The following RAB11FIP1 variants were observed in gnomAD, a reference collection of about 807,000 sequenced individuals.
RAB11FIP1 encodes the protein RAB11 family interacting protein 1.
RAB11FIP1 carries 49 observed loss-of-function variants against 83.1 expected under a neutral mutation model. That is an observed-to-expected ratio of 0.59 (90% CI 0.47 to 0.75). The LOEUF is 0.75. Ranked by LOEUF, RAB11FIP1 falls within the 30% of genes least tolerant of loss-of-function variation. The pLI, the probability that RAB11FIP1 is intolerant of heterozygous loss-of-function variation, is 0.00. For synonymous variants in RAB11FIP1, 670 were observed against 656.0 expected, an observed-to-expected ratio of 1.02 and a Z score of -0.33; for missense variants, 1,536 against 1,598.7, an observed-to-expected ratio of 0.96 and a Z score of 0.67.
chr8:37,888,389 G>A (rs559294406), intron 1 of RAB11FIP1, among the ~76,000 whole-genome samples: 3 of 152,120 alleles, frequency 2.0e-5, no homozygotes, highest in African/African-American at 4.8e-5. Context: ...TTACAGGCGT[G>A]AGACACCACA....
chr8:37,861,592 C>T lies in RAB11FIP1; in HGVS notation c.*1303G>A, dbSNP rs951026050. 3.0e-5 allele frequency: 13 copies of T among 440,036 alleles called. No individual in the cohort carries two copies. The highest frequency in any genetic ancestry group is 1.5e-4 in the African/African-American group (7 of 48,038). The allele number at this position is 440,036 out of a possible 1,614,324, so 27.3% of individuals were successfully genotyped here. On this transcript the variant is annotated 3_prime_UTR_variant, in exon 6 of 6. Coordinates refer to ENST00000330843, the MANE Select transcript of RAB11FIP1 (RefSeq NM_001002814.3). ...TAAGACAGAGTCTTAAAAAAATTGC[C>T]CAGGCTCTTTTTTTAAGAGTCTTAA...
At chr8:37,873,308 T>C (rs1436913074) in intron 3 of RAB11FIP1, 129 bp from the exon 4 acceptor site, 1 of 1,089,298 alleles carries the variant, frequency 9.2e-7, no homozygotes, top group Non-Finnish European at 1.3e-6. Flanking sequence ...CTTAAGAAGT[T>C]AAAAAAGGAA....
chr8:37,876,932 C>T (rs544219793), intron 2 of RAB11FIP1, among the ~76,000 whole-genome samples, 177 bp downstream of exon 2: 5 of 152,178 alleles, frequency 3.3e-5, no homozygotes, highest in East Asian at 1.9e-4. Context: ...TGAGCCACCA[C>T]GCCTAGCCTT....
At position 37,899,324 on chromosome 8, in the gene RAB11FIP1, C is replaced by A; in HGVS notation, c.118G>T (p.Asp40Tyr). 2.5e-6 allele frequency: 4 copies of A among 1,609,502 alleles called. No homozygotes were observed. The highest frequency in any genetic ancestry group is 2.5e-6 in the Non-Finnish European group (3 of 1,178,666). ...LRAKGPGGTS[D>Y]AYAVIQVGKE... ...CCCACCTGGATCACCGCGTACGCGT[C>A]GCTCGTGCCCCCGGGGCCCTTGGCC... is the stretch of plus-strand genomic sequence containing the variant. The change falls in exon 1 of 6, where the codon GAC becomes TAC. Residue 40 changes from aspartate to tyrosine, a missense_variant. Asp to Tyr is a radical substitution (Grantham distance 160, BLOSUM62 -3). Coordinates refer to ENST00000330843, the MANE Select transcript of RAB11FIP1 (RefSeq NM_001002814.3). The surrounding 1 kb of genome is among the most constrained non-coding windows in gnomAD (Gnocchi z 4.5).
chr8:37,885,282 A>G (rs1302764394), intron 1 of RAB11FIP1, among the ~76,000 whole-genome samples: 1 of 152,232 alleles, frequency 6.6e-6, no homozygotes, highest in Non-Finnish European at 1.5e-5. Context: ...GGTGTGAGCC[A>G]GAAGGCCCGG....
Position 37,874,844 on chromosome 8 carries a change from G to A in RAB11FIP1, c.1293C>T (p.Ser431=), listed in dbSNP as rs757251715. Residue 431 remains serine (S), a synonymous_variant, in exon 3 of 6, where the codon AGC becomes AGT. Coordinates refer to ENST00000330843, the MANE Select transcript of RAB11FIP1 (RefSeq NM_001002814.3). ...TCAGAGACAGCAAAGAGGACCTCCTGCTCTCTGGCTTCTTGCTCTCCTTAG... is the reference window on the plus strand; with the variant it reads ...TCAGAGACAGCAAAGAGGACCTCCTACTCTCTGGCTTCTTGCTCTCCTTAG... ...KEAKESKKPE[S]RRSSLLSLMT... 6.2e-7 allele frequency: 1 copy of A among 1,614,130 alleles called. No individual in the cohort carries two copies. The highest frequency in any genetic ancestry group is 8.5e-7 in the Non-Finnish European group (1 of 1,180,024).
chr8:37,879,646 G>A (rs938169033), intron 1 of RAB11FIP1, among the ~76,000 whole-genome samples: 1 of 152,170 alleles, frequency 6.6e-6, no homozygotes, highest in African/African-American at 2.4e-5. Flanking sequence ...ACTTTGGGAG[G>A]CCAAGGCGGG....
chr8:37,868,159 C>T (rs1400392438), intron 5 of RAB11FIP1, among the ~76,000 whole-genome samples: 3 of 152,084 alleles, frequency 2.0e-5, no homozygotes, highest in African/African-American at 4.8e-5. Context: ...CGGTGGCTCA[C>T]GCCTGTAATC....
At chr8:37,882,294 A>G (rs1390717113) in intron 1 of RAB11FIP1, among the ~76,000 whole-genome samples, 1 of 152,214 alleles carries the variant, frequency 6.6e-6, no homozygotes, top group African/African-American at 2.4e-5. Flanking sequence ...CCAGAAAGTT[A>G]GGTATTCCTA....
chr8:37,873,871 A>ATG (rs10678344), intron 3 of RAB11FIP1, among the ~76,000 whole-genome samples: 33,078 of 149,454 alleles, frequency 0.22, 4,881 homozygotes, highest in African/African-American at 0.43. Flanking sequence ...GTGTGTGTAT[A>ATG]TGTGTGTGTG....
intron 5 of RAB11FIP1, among the ~76,000 whole-genome samples, chr8:37,867,694 C>T (rs891627225): frequency 1.0e-4 from 14 of 137,666 alleles, no homozygotes; most frequent in Admixed American, 8.8e-4. Flanking sequence ...TCAACCAGAG[C>T]GAAAATCCAT....
rs868749900 is a variant in RAB11FIP1 at position 37,862,824 on chromosome 8, G to C, written c.*71C>G. ...GCCTGCTGGCTGGTTATCAGGCAAG[G>C]CAAGTCCTTGACCCCTGGAGCAGGT... On this transcript the variant is annotated 3_prime_UTR_variant, in exon 6 of 6. Coordinates refer to ENST00000330843, the MANE Select transcript of RAB11FIP1 (RefSeq NM_001002814.3). 12 of 1,246,928 alleles carry C rather than the reference G, an allele frequency of 9.6e-6. No individual in the cohort carries two copies. Among genetic ancestry groups the C allele is most frequent in the Non-Finnish European group, 1.1e-5 (10 of 873,942 alleles). The allele number at this position is 1,246,928 out of a possible 1,614,324, so 77.2% of individuals were successfully genotyped here.
At position 37,862,720 on chromosome 8, in the gene RAB11FIP1, T is replaced by C. The variant is rs1350878635; in HGVS notation, c.*175A>G. 11 of 591,420 alleles carry C rather than the reference T, an allele frequency of 1.9e-5. No homozygotes were observed. Among genetic ancestry groups the C allele is most frequent in the African/African-American group, 3.7e-5 (2 of 53,682 alleles). The allele number at this position is 591,420 out of a possible 1,614,324, so 36.6% of individuals were successfully genotyped here. A position where few individuals can be genotyped will look rare whatever the true frequency, so the allele number is the denominator to read the frequency against. On this transcript the variant is annotated 3_prime_UTR_variant, in exon 6 of 6. Transcript: ENST00000330843. ...GCCTTGGGAATGTACAGTAAAAGAT[T>C]AATTGTAATCATTAACCTGGCTTCC...
At chr8:37,892,425 ATATT>A (rs146042883) in intron 1 of RAB11FIP1, among the ~76,000 whole-genome samples, 42,171 of 143,916 alleles carry the variant, frequency 0.29, 6,520 homozygotes, top group East Asian at 0.43. Flanking sequence ...ACTTTTATTT[ATATT>A]TATTTATTTA....
intron 1 of RAB11FIP1, among the ~76,000 whole-genome samples, 176 bp downstream of exon 1, chr8:37,898,895 G>T (rs553499593): frequency 5.3e-5 from 8 of 151,906 alleles, no homozygotes; most frequent in African/African-American, 1.7e-4. Flanking sequence ...AGAGCTGGGC[G>T]GGACAGCCGC....
At chr8:37,897,805 A>G (rs920961396) in intron 1 of RAB11FIP1, among the ~76,000 whole-genome samples, 1 of 152,102 alleles carries the variant, frequency 6.6e-6, no homozygotes, top group African/African-American at 2.4e-5. Flanking sequence ...CTGTTGTAAC[A>G]TTCTTTCTGT....
At chr8:37,894,092 C>T (rs1585449822) in intron 1 of RAB11FIP1, among the ~76,000 whole-genome samples, 1 of 152,228 alleles carries the variant, frequency 6.6e-6, no homozygotes, top group African/African-American at 2.4e-5. Flanking sequence ...CTTCGAAAGA[C>T]CTGGGGAGGT....
At position 37,874,507 on chromosome 8, in the gene RAB11FIP1, A is replaced by C; in HGVS notation, c.1622+8T>G. 1 of 1,612,390 alleles carries C rather than the reference A, an allele frequency of 6.2e-7. No homozygotes were observed. The highest frequency in any genetic ancestry group is 1.1e-5 in the South Asian group (1 of 91,058). On this transcript the variant is annotated splice_region_variant and intron_variant, in intron 3 of 5. Transcript: ENST00000330843. Reference sequence around the variant, plus strand: ...GAAATGCCCTGCACGAGAAGAGCCAAAACTCACCGGGGCTTGACAGCTCTG... The same window carrying C: ...GAAATGCCCTGCACGAGAAGAGCCACAACTCACCGGGGCTTGACAGCTCTG...
At chr8:37,895,005 A>C (rs1807035256) in intron 1 of RAB11FIP1, among the ~76,000 whole-genome samples, 3 of 146,512 alleles carry the variant, frequency 2.0e-5, no homozygotes, top group African/African-American at 2.5e-5. Flanking sequence ...TGATCCACCC[A>C]CCTTGGCCTC....
Sources: gnomAD v4.1 joint callset for allele counts (sites outside exome capture counted in the v4.1 genomes callset) on GRCh38, gnomAD v4.1.1 for gene constraint, Gnocchi (gnomAD v3.1) non-coding constraint, MANE v1.5 for transcripts, NCBI Gene and HGNC (gene_info 2026-07-23, HGNC 2026-07-21) for gene names.